The following KCTD2 variants were observed in gnomAD, a reference collection of about 807,000 sequenced individuals.
KCTD2 encodes the protein BTB/POZ domain-containing protein KCTD2.
A neutral mutation model predicts 27.9 loss-of-function variants in KCTD2; 18 were observed. That is an observed-to-expected ratio of 0.64 (90% CI 0.45 to 0.96). KCTD2 has a LOEUF of 0.96. KCTD2 is among the 40% of genes least tolerant of loss of function. The pLI is 0.00. For missense variants in KCTD2, 280 were observed against 348.0 expected, an observed-to-expected ratio of 0.80 and a Z score of 1.56; for synonymous variants, 175 against 148.4, an observed-to-expected ratio of 1.18 and a Z score of -1.30.
At chr17:75,047,697 C>A in intron 1 of KCTD2, 108 bp downstream of exon 1, 1 of 1,150,886 alleles carries the variant, frequency 8.7e-7, no homozygotes, top group Non-Finnish European at 1.2e-6. Context: ...CCCCTCAGGC[C>A]GGGACCCCAT....
intron 2 of KCTD2, among the ~76,000 whole-genome samples, chr17:75,034,709 T>C (rs2040098013): frequency 6.6e-6 from 1 of 151,956 alleles, no homozygotes. Context: ...CGCGGTGCCC[T>C]GTAACCCCGA....
intron 3 of KCTD2, chr17:75,035,502 G>C (rs914303155): frequency 6.6e-6 from 1 of 152,220 alleles, no homozygotes; most frequent in East Asian, 1.9e-4. Context: ...TCAGTCTATC[G>C]TTATGAAGTT....
At chr17:75,038,732 C>G in intron 3 of KCTD2, 1 of 573,408 alleles carries the variant, frequency 1.7e-6, no homozygotes, top group Non-Finnish European at 3.0e-6. Context: ...CTACACAGCC[C>G]GTCAGACAAC....
intron 5 of KCTD2, 83 bp from the exon 6 acceptor site, chr17:75,062,935 C>T: frequency 7.0e-7 from 1 of 1,423,474 alleles, no homozygotes. Flanking sequence ...TCATGCCACT[C>T]ATCGGGTCCA....
At chr17:75,042,082 G>C (rs1383527745) in intron 3 of KCTD2, 6 of 1,055,052 alleles carry the variant, frequency 5.7e-6, no homozygotes, top group Non-Finnish European at 8.3e-6. Context: ...AGCTTCCTTA[G>C]GGATCTGGCT....
Position 75,049,277 on chromosome 17 carries a change from A to C in KCTD2, c.397A>C (p.Asn133His), listed in dbSNP as rs1358964803. The C allele has an allele frequency of 1.9e-6, 3 of 1,613,948 alleles. No homozygotes were observed. Reference sequence around the variant, plus strand: ...CCCCACCTACTTTGGTCCTATCCTCAACTACCTCCGCCACGGGAAACTCAT... The same window carrying C: ...CCCCACCTACTTTGGTCCTATCCTCCACTACCTCCGCCACGGGAAACTCAT... ...RDPTYFGPIL[N>H]YLRHGKLIIT... Residue 133 changes from asparagine to histidine, a missense_variant, in exon 2 of 6, where the codon AAC (asparagine) becomes CAC (histidine). By Grantham distance (68) the Asn-to-His change is moderately conservative. Coordinates refer to ENST00000322444, the MANE Select transcript of KCTD2 (RefSeq NM_015353.3).
At chr17:75,046,320 G>A (rs949932877), upstream of KCTD2, among the ~76,000 whole-genome samples, 6 of 152,202 alleles carry the variant, frequency 3.9e-5, no homozygotes, top group African/African-American at 1.2e-4. Flanking sequence ...CTGACCTCGC[G>A]ATTCGCCCGC....
At chr17:75,051,597 A>G (rs2073287845) in intron 2 of KCTD2, among the ~76,000 whole-genome samples, 1 of 149,758 alleles carries the variant, frequency 6.7e-6, no homozygotes, top group African/African-American at 2.5e-5. Context: ...TTTTTTTTTA[A>G]ATCATATTTG....
chr17:75,060,914 A>G (rs1254033523), intron 4 of KCTD2, among the ~76,000 whole-genome samples: 2 of 152,140 alleles, frequency 1.3e-5, no homozygotes, highest in African/African-American at 4.8e-5. Context: ...ATTATTTCTC[A>G]CACTTAGCTT....
intron 1 of KCTD2, among the ~76,000 whole-genome samples, chr17:75,033,386 A>C (rs944187406): frequency 6.6e-6 from 1 of 151,632 alleles, no homozygotes; most frequent in African/African-American, 2.4e-5. Flanking sequence ...TTCTATCTAT[A>C]CTTGTAGTAT....
rs762038335 is a variant in KCTD2, at chr17:75,039,010, C to G, written c.-259+3653C>G. ...ATTTGGTTTCTGGGAAAGCTTCATT[C>G]AAGTCCTCAATGGTCATCTGATCAA... On this transcript the variant is annotated intron_variant, in intron 3 of 7. Transcript: ENST00000581589. 6.1e-5 allele frequency: 98 copies of G among 1,614,136 alleles called. 1 individual carries two copies. The South Asian group carries it at 1.0e-3, about 17-fold the overall frequency.
upstream of KCTD2, chr17:75,042,510 C>G (rs745666457): frequency 2.5e-6 from 4 of 1,600,224 alleles, no homozygotes; most frequent in Admixed American, 7.1e-5. Flanking sequence ...ATGGGGTTCC[C>G]TCTCAGAAAC....
In KCTD2 at chr17:75,063,014, T is replaced by G. The variant is rs772733244; in HGVS notation, c.763-4T>G. ...TCAGCCTCTCCCCCATCTCCAACTTTCAGATTCTTCAGGAGAGAGGATCGC... is the reference window on the plus strand; with the variant it reads ...TCAGCCTCTCCCCCATCTCCAACTTGCAGATTCTTCAGGAGAGAGGATCGC... On this transcript the variant is annotated splice_region_variant and splice_polypyrimidine_tract_variant and intron_variant, in intron 5 of 5. Transcript: ENST00000322444. The G allele has an allele frequency of 2.5e-6, 4 of 1,613,958 alleles. No homozygotes were observed. In the South Asian group the frequency reaches 3.3e-5, roughly 13 times the overall value.
Position 75,059,631 on chromosome 17 carries a change from C to T in KCTD2, c.636+26C>T, listed in dbSNP as rs562132305. 2.8e-4 allele frequency: 436 copies of T among 1,575,176 alleles called. 7 individuals are homozygous for T. The South Asian group carries it at 4.5e-3, about 16-fold the overall frequency. On this transcript the variant is annotated intron_variant, in intron 4 of 5. Transcript: ENST00000322444. Reference sequence around the variant, plus strand: ...GTACATCTCTTAACAGAGCAGCAATCCCAGGCCCCGTTCAAGGGGTCTGCA... The same window carrying T: ...GTACATCTCTTAACAGAGCAGCAATTCCAGGCCCCGTTCAAGGGGTCTGCA...
intron 5 of KCTD2, 74 bp from the exon 6 acceptor site, chr17:75,062,944 C>T (rs2073419445): frequency 6.7e-7 from 1 of 1,502,526 alleles, no homozygotes; most frequent in Non-Finnish European, 9.3e-7. Flanking sequence ...TCATCGGGTC[C>T]AGTGGAAAGC....
intron 3 of KCTD2, among the ~76,000 whole-genome samples, chr17:75,058,124 G>C (rs1158820712): frequency 3.3e-5 from 5 of 151,912 alleles, no homozygotes; most frequent in African/African-American, 1.2e-4. Context: ...AGGAGTTTGA[G>C]ACCAGCCTGG....
chr17:75,045,503 A>T (rs1567988834), upstream of KCTD2, among the ~76,000 whole-genome samples: 1 of 152,314 alleles, frequency 6.6e-6, no homozygotes, highest in South Asian at 2.1e-4. Flanking sequence ...GGTACGCCCC[A>T]GGGGGGCCAG....
intron 4 of KCTD2, 140 bp from the exon 5 acceptor site, chr17:75,061,980 G>T: frequency 2.3e-6 from 2 of 878,910 alleles, no homozygotes; most frequent in Non-Finnish European, 1.7e-6. Flanking sequence ...CGGGGGCTTT[G>T]GTAGTCACAG....
At chr17:75,037,254 G>A (rs1238468059) in intron 3 of KCTD2, among the ~76,000 whole-genome samples, 1 of 150,648 alleles carries the variant, frequency 6.6e-6, no homozygotes, top group Non-Finnish European at 1.5e-5. Flanking sequence ...TGAGGCAGGA[G>A]AATGGTGTGA....
Sources: gnomAD v4.1 joint callset for allele counts (sites outside exome capture counted in the v4.1 genomes callset) on GRCh38, gnomAD v4.1.1 for gene constraint, MANE v1.5 for transcripts, NCBI Gene and HGNC (gene_info 2026-07-23, HGNC 2026-07-21) for gene names.